Variants in IPO11 observed in about 807,000 individuals in gnomAD.
The protein encoded by IPO11 is importin-11.
IPO11 carries 66 observed loss-of-function variants against 143.2 expected under a neutral mutation model. That is an observed-to-expected ratio of 0.46 (90% CI 0.38 to 0.57). The LOEUF (loss-of-function observed/expected upper bound fraction) is 0.57, where lower values mean the gene tolerates loss of function less well. Among genes scored for constraint, IPO11 ranks in the 20% least tolerant of loss-of-function variants. IPO11 has a pLI of 0.00. For missense variants in IPO11, 1,026 were observed against 1,141.0 expected (o/e 0.90, Z 1.45); for synonymous variants, 385 against 377.8 (o/e 1.02, Z -0.22).
At chr5:62,498,404 C>T (rs1246470180) in intron 16 of IPO11, among the ~76,000 whole-genome samples, 1 of 152,162 alleles carries the variant, frequency 6.6e-6, no homozygotes, top group Admixed American at 6.5e-5. Flanking sequence ...CTTATGACAA[C>T]TTCTAGGTTT....
At position 62,489,339 on chromosome 5, in the gene IPO11, C is replaced by G; in HGVS notation, c.1347C>G (p.Ile449Met). 6.4e-7 allele frequency: 1 copy of G among 1,561,894 alleles called. No homozygotes were observed. Among genetic ancestry groups the G allele is most frequent in the South Asian group, 1.2e-5 (1 of 83,904 alleles). ...TNVEDMNALL[I>M]KDAVYNAVGL... Reference sequence around the variant, plus strand: ...TGGAAGATATGAATGCACTGTTAATCAAAGATGCTGGTATGTTAAACTTAA... The same window carrying G: ...TGGAAGATATGAATGCACTGTTAATGAAAGATGCTGGTATGTTAAACTTAA... The change falls in exon 14 of 30, where the codon ATC (isoleucine) becomes ATG (methionine). Residue 449 changes from isoleucine to methionine, a missense_variant. Transcript: ENST00000325324.
chr5:62,599,658 T>C (rs1745425948), intron 28 of IPO11, among the ~76,000 whole-genome samples: 1 of 152,172 alleles, frequency 6.6e-6, no homozygotes, highest in South Asian at 2.1e-4. Context: ...CAGGCTGGAG[T>C]GCCTGGATCT....
chr5:62,580,979 C>A (rs1404979081), intron 27 of IPO11: 1 of 1,551,026 alleles, frequency 6.4e-7, no homozygotes, highest in Non-Finnish European at 8.7e-7. Flanking sequence ...GGGAAAACAT[C>A]TCTAATTTGT....
intron 11 of IPO11, 134 bp downstream of exon 11, chr5:62,484,296 A>C: frequency 1.5e-6 from 1 of 674,238 alleles, no homozygotes; most frequent in East Asian, 3.4e-5. Flanking sequence ...AAATTAACTT[A>C]CTCTTTCGTT....
intron 29 of IPO11, among the ~76,000 whole-genome samples, chr5:62,616,991 A>T (rs1580393786): frequency 6.6e-6 from 1 of 152,142 alleles, no homozygotes; most frequent in Non-Finnish European, 1.5e-5. Context: ...GTTCTCATTC[A>T]ACATTTCCTC....
At chr5:62,435,743 A>G (rs1744204395) in intron 1 of IPO11, among the ~76,000 whole-genome samples, 1 of 151,358 alleles carries the variant, frequency 6.6e-6, no homozygotes, top group East Asian at 1.9e-4. Flanking sequence ...AAAAATCTCA[A>G]TCTGGCCGGG....
At chr5:62,622,221 A>G (rs1252061108) in intron 29 of IPO11, among the ~76,000 whole-genome samples, 3 of 152,182 alleles carry the variant, frequency 2.0e-5, no homozygotes, top group Non-Finnish European at 2.9e-5. Context: ...GTATATCACG[A>G]TCACTTGGGG....
intron 27 of IPO11, among the ~76,000 whole-genome samples, chr5:62,571,180 A>G (rs1744121206): frequency 6.6e-6 from 1 of 151,970 alleles, no homozygotes; most frequent in Non-Finnish European, 1.5e-5. Flanking sequence ...ATTTCATTTT[A>G]TTTTTTGGAG....
At chr5:62,627,108 C>T (rs1417075279) in intron 29 of IPO11, 46 bp from the exon 30 acceptor site, 3 of 1,541,162 alleles carry the variant, frequency 1.9e-6, no homozygotes, top group South Asian at 2.5e-5. Context: ...GTAGGAGAGA[C>T]TTGTTTTGCT....
chr5:62,442,880 A>AAACAAAAC, intron 2 of IPO11, 103 bp from the exon 3 acceptor site: 1 of 680,814 alleles, frequency 1.5e-6, no homozygotes, highest in Non-Finnish European at 2.3e-6. Context: ...AAACAAAACA[A>AAACAAAAC]AACAAAACAA....
chr5:62,596,123 G>A (rs547175887), intron 28 of IPO11, among the ~76,000 whole-genome samples: 71 of 150,550 alleles, frequency 4.7e-4, no homozygotes, highest in African/African-American at 1.7e-3. Context: ...TTGAAAATCA[G>A]CCAGGCACAT....
chr5:62,495,750 C>T (rs1042491501), intron 16 of IPO11, among the ~76,000 whole-genome samples: 3 of 152,014 alleles, frequency 2.0e-5, no homozygotes, highest in Non-Finnish European at 4.4e-5. Flanking sequence ...GGATTATAGG[C>T]GTGAGCCACT....
At chr5:62,542,072 T>A (rs913252448) in intron 24 of IPO11, among the ~76,000 whole-genome samples, 2 of 151,914 alleles carry the variant, frequency 1.3e-5, no homozygotes, top group Admixed American at 6.6e-5. Flanking sequence ...CTTTTTATTT[T>A]TTTTATTTTT....
At chr5:62,586,371 C>T (rs573622842) in intron 27 of IPO11, among the ~76,000 whole-genome samples, 1 of 152,170 alleles carries the variant, frequency 6.6e-6, no homozygotes, top group South Asian at 2.1e-4. Flanking sequence ...GATCATGTAA[C>T]ACTGTTTTCC....
At chr5:62,469,902 C>T (rs1745709145) in intron 6 of IPO11, among the ~76,000 whole-genome samples, 1 of 152,044 alleles carries the variant, frequency 6.6e-6, no homozygotes. Context: ...TTTTTGGTTA[C>T]CGTTGAGTCA....
intron 28 of IPO11, among the ~76,000 whole-genome samples, chr5:62,600,784 CCTAAGGTT>C (rs2112447557): frequency 6.6e-6 from 1 of 152,280 alleles, no homozygotes; most frequent in East Asian, 1.9e-4. Flanking sequence ...TGATTTCTAG[CCTAAGGTT>C]CTTACTCTTT....
chr5:62,467,048 C>A, intron 5 of IPO11, 83 bp from the exon 6 acceptor site: 2 of 1,284,166 alleles, frequency 1.6e-6, no homozygotes, highest in East Asian at 2.5e-5. Context: ...AGTTGTAAAA[C>A]TAAAATATAT....
chr5:62,557,641 C>T (rs1743623228), intron 26 of IPO11, among the ~76,000 whole-genome samples: 3 of 152,180 alleles, frequency 2.0e-5, no homozygotes, highest in Admixed American at 1.3e-4. Context: ...TCTTACAATG[C>T]CTATTTTTCC....
intron 27 of IPO11, chr5:62,579,306 C>A: frequency 2.5e-6 from 2 of 806,520 alleles, no homozygotes; most frequent in Admixed American, 2.2e-5. Flanking sequence ...ATTGGCTGAT[C>A]CTAATTAAAA....
Sources: gnomAD v4.1 joint callset for allele counts (sites outside exome capture counted in the v4.1 genomes callset) on GRCh38, gnomAD v4.1.1 for gene constraint, MANE v1.5 for transcripts, NCBI Gene and HGNC (gene_info 2026-07-23, HGNC 2026-07-21) for gene names.